Variants in TMEM248 observed in about 807,000 individuals in gnomAD.
TMEM248 encodes the protein transmembrane protein 248.
TMEM248 carries 9 observed loss-of-function variants against 30.3 expected under a neutral mutation model. That is an observed-to-expected ratio of 0.30 (90% CI 0.18 to 0.52). The LOEUF (loss-of-function observed/expected upper bound fraction) is 0.52. Among genes scored for constraint, TMEM248 ranks in the 20% least tolerant of loss-of-function variants. The probability of loss-of-function intolerance (pLI) is 0.97; values close to 1 mark genes in which losing one functional copy is unlikely to be tolerated. For missense variants in TMEM248, 338 were observed against 403.3 expected (o/e 0.84, Z 1.39); for synonymous variants, 184 against 154.4 (o/e 1.19, Z -1.42).
intron 1 of TMEM248, 65 bp from the exon 2 acceptor site, chr7:66,941,783 A>C: frequency 6.9e-7 from 1 of 1,456,396 alleles, no homozygotes; most frequent in African/African-American, 1.4e-5. Context: ...TCAAAAGGAA[A>C]CAAAAGAATC....
chr7:66,944,861 C>A (rs932876153), intron 2 of TMEM248, 115 bp from the exon 3 acceptor site: 5 of 1,090,754 alleles, frequency 4.6e-6, no homozygotes, highest in Non-Finnish European at 5.4e-6. Flanking sequence ...ATGATCAGCT[C>A]TGAATTGTAG....
intron 1 of TMEM248, among the ~76,000 whole-genome samples, chr7:66,928,637 T>G (rs545258214): frequency 1.3e-5 from 2 of 152,316 alleles, no homozygotes; most frequent in South Asian, 2.1e-4. Flanking sequence ...TCTCACTCCT[T>G]CGTCCTTGTC....
chr7:66,934,755 A>C (rs1562939241), intron 1 of TMEM248, among the ~76,000 whole-genome samples: 1 of 152,180 alleles, frequency 6.6e-6, no homozygotes, highest in Non-Finnish European at 1.5e-5. Flanking sequence ...ATTTTTATAT[A>C]AGGCTAAGGT....
chr7:66,934,343 G>C (rs962486653), intron 1 of TMEM248, among the ~76,000 whole-genome samples: 8 of 152,148 alleles, frequency 5.3e-5, no homozygotes, highest in African/African-American at 1.9e-4. Context: ...TGGGATTACA[G>C]GCACACGCCG....
chr7:66,945,042 A>C lies in TMEM248; in HGVS notation c.226A>C (p.Lys76Gln). 6.2e-7 allele frequency: 1 copy of C among 1,614,208 alleles called. No homozygotes were observed. Among genetic ancestry groups the C allele is most frequent in the Non-Finnish European group, 8.5e-7 (1 of 1,180,042 alleles). The change falls in exon 3 of 7, where the codon AAG (lysine) becomes CAG (glutamine). Residue 76 changes from lysine to glutamine, a missense_variant. By Grantham distance (53) the Lys-to-Gln change is moderately conservative. Transcript: ENST00000341567. The part of the protein sequence containing the change: ...DLCVSENETL[K>Q]HLTNDTTTPE... ...GTGTGTATCAGAGAATGAAACCCTC[A>C]AGCATCTCACAAACGACACCACAAC...
Position 66,942,047 on chromosome 7 carries a change from C to A in TMEM248, c.159+23C>A, listed in dbSNP as rs150811021. On this transcript the variant is annotated intron_variant, in intron 2 of 6. Coordinates refer to ENST00000341567, the MANE Select transcript of TMEM248 (RefSeq NM_017994.5). ...GAGGTATAGTATGCTCTGACTTCTC[C>A]CGGGCTGGCTGGTCCTTGTGCAGTG... 3.7e-6 allele frequency: 6 copies of A among 1,606,790 alleles called. No homozygotes were observed. In the South Asian group the frequency reaches 6.6e-5, roughly 18 times the overall value.
chr7:66,942,128 T>C (rs916330412), intron 2 of TMEM248, 104 bp downstream of exon 2: 43 of 1,242,016 alleles, frequency 3.5e-5, no homozygotes, highest in Non-Finnish European at 4.5e-5. Context: ...CTTTCTCTCC[T>C]AGTGAGAAAA....
In TMEM248 at chr7:66,958,476, G is replaced by C. The variant is rs1053862857; in HGVS notation, c.*2954G>C. The stretch of plus-strand genomic sequence containing the variant: ...GATGGTCAGTAGCTGATCTGTTATG[G>C]CATTCACTTCCAGATTAATTTTCCG... On this transcript the variant is annotated 3_prime_UTR_variant, in exon 7 of 7. Coordinates refer to ENST00000341567, the MANE Select transcript of TMEM248 (RefSeq NM_017994.5). 2.6e-5 allele frequency: 4 copies of C among 152,596 alleles called. 1 individual carries two copies. Among genetic ancestry groups the C allele is most frequent in the Non-Finnish European group, 1.5e-5 (1 of 68,034 alleles). The allele number at this position is 152,596 out of a possible 1,614,324, so 9.5% of individuals were successfully genotyped here. A position where few individuals can be genotyped will look rare whatever the true frequency, so the allele number is the denominator to read the frequency against.
intron 1 of TMEM248, among the ~76,000 whole-genome samples, chr7:66,937,705 C>G (rs563140444): frequency 5.7e-4 from 86 of 152,152 alleles, no homozygotes; most frequent in African/African-American, 2.0e-3. Flanking sequence ...ATATCTTTTT[C>G]CATTTCTTTA....
At chr7:66,936,449 G>A (rs181545112) in intron 1 of TMEM248, among the ~76,000 whole-genome samples, 471 of 152,014 alleles carry the variant, frequency 3.1e-3, no homozygotes, top group Non-Finnish European at 4.7e-3. Flanking sequence ...TTTTGAATTC[G>A]GTTTGCCAGT....
chr7:66,931,003 C>T (rs1200602382), intron 1 of TMEM248: 1 of 152,504 alleles, frequency 6.6e-6, no homozygotes, highest in Non-Finnish European at 1.5e-5. Flanking sequence ...TAGAAAATCT[C>T]ATTTAAGATG....
At chr7:66,931,786 T>G (rs1431348395) in intron 1 of TMEM248, among the ~76,000 whole-genome samples, 2 of 144,482 alleles carry the variant, frequency 1.4e-5, no homozygotes, top group East Asian at 4.1e-4. Context: ...CCAGGAGGCC[T>G]TCCTCCTTTT....
intron 2 of TMEM248, among the ~76,000 whole-genome samples, chr7:66,942,527 G>A (rs906993186): frequency 6.6e-6 from 1 of 152,042 alleles, no homozygotes; most frequent in Non-Finnish European, 1.5e-5. Context: ...ACGGAGTCTC[G>A]CTCCGTCACC....
chr7:66,930,472 C>G (rs1396965413), intron 1 of TMEM248: 1 of 152,178 alleles, frequency 6.6e-6, no homozygotes, highest in Non-Finnish European at 1.5e-5. Context: ...GGGAGAGGAT[C>G]CACCCCACTT....
chr7:66,934,263 C>G (rs1791745067), intron 1 of TMEM248, among the ~76,000 whole-genome samples: 1 of 151,934 alleles, frequency 6.6e-6, no homozygotes, highest in Non-Finnish European at 1.5e-5. Context: ...TGCAGTGGCA[C>G]AAAGTCAGCT....
intron 1 of TMEM248, among the ~76,000 whole-genome samples, chr7:66,922,573 T>G (rs1402364772): frequency 6.6e-6 from 1 of 152,130 alleles, no homozygotes. Context: ...AGAATTCCTG[T>G]GGCCTGAATC....
At chr7:66,943,115 T>C (rs1328896684) in intron 2 of TMEM248, among the ~76,000 whole-genome samples, 3 of 152,130 alleles carry the variant, frequency 2.0e-5, no homozygotes, top group African/African-American at 7.2e-5. Flanking sequence ...AGTTTATTAC[T>C]AAGAGACATA....
chr7:66,929,995 A>G (rs577151436), intron 1 of TMEM248, among the ~76,000 whole-genome samples: 3 of 152,038 alleles, frequency 2.0e-5, no homozygotes, highest in East Asian at 2.0e-4. Flanking sequence ...TCCCATCTCT[A>G]CAAAAAATAC....
chr7:66,934,319 G>C (rs1295595015), intron 1 of TMEM248, among the ~76,000 whole-genome samples: 1 of 152,088 alleles, frequency 6.6e-6, no homozygotes, highest in East Asian at 1.9e-4. Flanking sequence ...TCCTGCCTCA[G>C]ACTCCTGAGT....
Sources: allele counts gnomAD v4.1 joint callset (sites outside exome capture counted in the v4.1 genomes callset), GRCh38; gene constraint gnomAD v4.1.1; transcripts MANE v1.5; gene names NCBI Gene and HGNC (gene_info 2026-07-23, HGNC 2026-07-21).